WDR72: variants seen among roughly 807,000 people sequenced by gnomAD.
WDR72 encodes WD repeat-containing protein 72.
In WDR72, 120 loss-of-function variants were observed where a neutral mutation model predicts 124.2. The observed-to-expected ratio is 0.97, with a 90% confidence interval of 0.83 to 1.12. The LOEUF (loss-of-function observed/expected upper bound fraction) is 1.12, where lower values mean the gene tolerates loss of function less well. Ranked by LOEUF, WDR72 falls within the 50% of genes most tolerant of loss-of-function variation. WDR72 has a pLI of 0.00. For synonymous variants in WDR72, 452 were observed against 441.7 expected (o/e 1.02, Z -0.29); for missense variants, 1,387 against 1,278.8 (o/e 1.08, Z -1.29).
At chr15:53,576,847 C>T (rs954147235) in intron 18 of WDR72, among the ~76,000 whole-genome samples, 2 of 152,138 alleles carry the variant, frequency 1.3e-5, no homozygotes, top group Non-Finnish European at 1.5e-5. Flanking sequence ...CTCTTCCTAT[C>T]TGCCATGAGA....
intron 18 of WDR72, among the ~76,000 whole-genome samples, chr15:53,546,818 A>G (rs918189857): frequency 1.3e-5 from 2 of 152,192 alleles, no homozygotes; most frequent in Non-Finnish European, 2.9e-5. Context: ...GAAAATGACT[A>G]TCAGTAGAGA....
At chr15:53,609,677 C>G in intron 16 of WDR72, 85 bp from the exon 17 acceptor site, 1 of 1,163,752 alleles carries the variant, frequency 8.6e-7, no homozygotes, top group Non-Finnish European at 1.3e-6. Flanking sequence ...TTAGAATCAC[C>G]TGGGAAGCTT....
At chr15:53,740,454 C>G (rs978493296) in intron 1 of WDR72, among the ~76,000 whole-genome samples, 2 of 151,906 alleles carry the variant, frequency 1.3e-5, no homozygotes, top group Non-Finnish European at 2.9e-5. Flanking sequence ...ACTACAGGCG[C>G]CCACCACCGC....
Position 53,681,225 on chromosome 15 carries a change from T to C in WDR72, c.1766-15457A>G, listed in dbSNP as rs551446972. ...AGTCCACTGAGTCTTGCGTTTCCAA[T>C]TGTTTCTGTGGCAGCTGGCTACTGG... On this transcript the variant is annotated intron_variant, in intron 13 of 19. Transcript: ENST00000360509. 9.2e-5 allele frequency among the ~76,000 whole-genome samples: 14 copies of C among 152,294 alleles called. No homozygotes were observed. The East Asian group carries it at 1.9e-3, about 21-fold the overall frequency.
chr15:53,633,141 C>A (rs954237233), intron 14 of WDR72, among the ~76,000 whole-genome samples: 4 of 152,124 alleles, frequency 2.6e-5, no homozygotes, highest in Admixed American at 6.5e-5. Context: ...ATGTAATCCC[C>A]AATGCTGGAG....
intron 11 of WDR72, 113 bp downstream of exon 11, chr15:53,704,875 T>A: frequency 2.4e-6 from 3 of 1,233,968 alleles, no homozygotes; most frequent in Non-Finnish European, 3.4e-6. Context: ...ATGTACATAT[T>A]TATCAGCAAA....
chr15:53,522,354 C>T (rs1891851204), intron 19 of WDR72, among the ~76,000 whole-genome samples: 1 of 151,810 alleles, frequency 6.6e-6, no homozygotes, highest in Non-Finnish European at 1.5e-5. Flanking sequence ...GATCAGCACA[C>T]AAAGATGTGA....
rs2140368544 is a variant in WDR72 at position 53,616,115 on chromosome 15, T to G, written c.2091A>C (p.Pro697=). ...ENLVELLLPT[P]LSDVDSSSSF... ...AACTGGAAGAGTCAACATCACTGAG[T>G]GGAGTTGGTAGCAAAAGTTCAACAA... The change falls in exon 15 of 20, where the codon CCA becomes CCC. Residue 697 remains proline (P), a synonymous_variant. Coordinates refer to ENST00000360509, the MANE Select transcript of WDR72 (RefSeq NM_182758.4). The G allele has an allele frequency of 8.7e-6, 14 of 1,604,576 alleles. No individual in the cohort carries two copies. Among genetic ancestry groups the G allele is most frequent in the Non-Finnish European group, 1.2e-5 (14 of 1,174,356 alleles).
intron 14 of WDR72, among the ~76,000 whole-genome samples, chr15:53,644,374 G>C (rs1202551632): frequency 6.6e-6 from 1 of 151,872 alleles, no homozygotes; most frequent in African/African-American, 2.4e-5. Flanking sequence ...TTCCCCATGG[G>C]AATTTTATCT....
At chr15:53,692,048 G>A (rs2016862776) in intron 13 of WDR72, among the ~76,000 whole-genome samples, 1 of 152,158 alleles carries the variant, frequency 6.6e-6, no homozygotes, top group Non-Finnish European at 1.5e-5. Context: ...GATGTTTTCA[G>A]ATTAGTGAGA....
intron 11 of WDR72, among the ~76,000 whole-genome samples, chr15:53,703,784 A>T (rs914657612): frequency 6.6e-6 from 1 of 152,132 alleles, no homozygotes; most frequent in African/African-American, 2.4e-5. Context: ...TTTATTCAAA[A>T]TGAAAATAAA....
chr15:53,529,994 C>T (rs1026253604), intron 18 of WDR72, among the ~76,000 whole-genome samples: 3 of 151,764 alleles, frequency 2.0e-5, no homozygotes, highest in African/African-American at 7.3e-5. Context: ...TAAGAGTTCC[C>T]ACTGGGAGGT....
At chr15:53,600,018 TG>T (rs1179097692) in intron 17 of WDR72, among the ~76,000 whole-genome samples, 2 of 152,142 alleles carry the variant, frequency 1.3e-5, no homozygotes, top group African/African-American at 4.8e-5. Context: ...AAGTGAATAC[TG>T]AATGGCATCC....
intron 18 of WDR72, among the ~76,000 whole-genome samples, chr15:53,539,742 T>C (rs1381307357): frequency 4.6e-5 from 7 of 151,944 alleles, no homozygotes; most frequent in South Asian, 2.1e-4. Context: ...ATAGATGACA[T>C]AGTAAAAGAA....
At chr15:53,603,322 T>C (rs768040480) in intron 17 of WDR72, among the ~76,000 whole-genome samples, 14 of 152,178 alleles carry the variant, frequency 9.2e-5, no homozygotes, top group Admixed American at 7.9e-4. Context: ...AAAGAAGATA[T>C]TGAAGGAACA....
intron 2 of WDR72, among the ~76,000 whole-genome samples, chr15:53,728,722 A>G (rs931215478): frequency 6.6e-6 from 1 of 152,206 alleles, no homozygotes; most frequent in Non-Finnish European, 1.5e-5. Context: ...AAAACAAGCA[A>G]TCAATGCCAG....
In WDR72 at chr15:53,609,604, C is replaced by G; in HGVS notation, c.2873-12G>C. The G allele has an allele frequency of 6.2e-7, 1 of 1,606,188 alleles. No homozygotes were observed. The highest frequency in any genetic ancestry group is 8.5e-7 in the Non-Finnish European group (1 of 1,173,132). On this transcript the variant is annotated splice_polypyrimidine_tract_variant and intron_variant, in intron 16 of 19. Transcript: ENST00000360509. ...GGATTCATTCTTACCTAGAAATATACAGAACACACTTGTATCTTTAGAGTA... is the reference window on the plus strand; with the variant it reads ...GGATTCATTCTTACCTAGAAATATAGAGAACACACTTGTATCTTTAGAGTA...
intron 14 of WDR72, among the ~76,000 whole-genome samples, chr15:53,619,937 T>C (rs369219805): frequency 3.0e-4 from 46 of 152,104 alleles, no homozygotes; most frequent in African/African-American, 8.4e-4. Context: ...CAGGTAAACA[T>C]TGGATTTGCA....
chr15:53,748,244 C>A (rs766303701), intron 1 of WDR72, among the ~76,000 whole-genome samples: 1 of 152,088 alleles, frequency 6.6e-6, no homozygotes, highest in Non-Finnish European at 1.5e-5. Flanking sequence ...ATTCTGCAAA[C>A]CTATTTCTGG....
Sources: gnomAD v4.1 joint callset for allele counts (sites outside exome capture counted in the v4.1 genomes callset) on GRCh38, gnomAD v4.1.1 for gene constraint, MANE v1.5 for transcripts, NCBI Gene and HGNC (gene_info 2026-07-23, HGNC 2026-07-21) for gene names.